CCDC171: variants seen among roughly 807,000 people sequenced by gnomAD.
The protein encoded by CCDC171 is coiled-coil domain containing 171.
In CCDC171, 177 loss-of-function variants were observed where a neutral mutation model predicts 168.2. That is an observed-to-expected ratio of 1.05 (90% CI 0.93 to 1.19). The LOEUF is 1.19. Among genes scored for constraint, CCDC171 ranks in the 50% most tolerant of loss-of-function variants. The pLI, the probability that CCDC171 is intolerant of heterozygous loss-of-function variation, is 0.00. For missense variants in CCDC171, 1,991 were observed against 1,539.0 expected (o/e 1.29, Z -4.91); for synonymous variants, 687 against 540.8 (o/e 1.27, Z -3.75).
At chr9:16,017,609 T>G (rs1833058571) in intron 3 of CCDC171, among the ~76,000 whole-genome samples, 1 of 152,192 alleles carries the variant, frequency 6.6e-6, no homozygotes, top group African/African-American at 2.4e-5. Context: ...ACTTAATTTG[T>G]TTTTCAACTT....
chr9:15,779,648 C>G (rs369708611), intron 20 of CCDC171, among the ~76,000 whole-genome samples: 2 of 152,214 alleles, frequency 1.3e-5, no homozygotes, highest in East Asian at 3.8e-4. Context: ...GTGTGAGCCA[C>G]TGCACCTGGC....
intron 25 of CCDC171, among the ~76,000 whole-genome samples, chr9:15,959,589 C>G (rs1174446113): frequency 1.3e-5 from 2 of 152,054 alleles, no homozygotes; most frequent in African/African-American, 2.4e-5. Flanking sequence ...AAATTATTAT[C>G]TAGTAGACAA....
In CCDC171 at chr9:16,044,532, A is replaced by ATTT. The variant is rs34154704; in HGVS notation, n.89+1659_89+1661dup. 6.2e-5 allele frequency among the ~76,000 whole-genome samples: 9 copies of ATTT among 145,586 alleles called. No homozygotes were observed. The South Asian group carries it at 1.7e-3, about 28-fold the overall frequency. On this transcript the variant is annotated intron_variant and non_coding_transcript_variant, in intron 1 of 1. Transcript: ENST00000478913. ...ATCAAATATAGCCAGCTATTTAATA[A>ATTT]TTTTTTTTTTTTTTTGGTTCTTTGA... is the stretch of plus-strand genomic sequence containing the variant.
chr9:15,994,818 C>G (rs1386331566), intron 3 of CCDC171, among the ~76,000 whole-genome samples: 1 of 152,148 alleles, frequency 6.6e-6, no homozygotes, highest in African/African-American at 2.4e-5. Context: ...ACTGGAGCCT[C>G]ATTATCTATT....
rs116930606 is a variant in CCDC171, at chr9:15,613,355, A to C, written c.676-9912A>C. Among the ~76,000 whole-genome samples, 995 of 152,314 alleles carry C rather than the reference A, an allele frequency of 6.5e-3. 34 individuals are homozygous for C. The highest frequency in any genetic ancestry group is 0.043 in the East Asian group (222 of 5,180). On this transcript the variant is annotated intron_variant, in intron 6 of 25. Transcript: ENST00000380701. ...CCAGTTTTAGCATAGGTTAATTGAT[A>C]TAAATGAGTTAAGTTCTTGGAGCAT...
intron 3 of CCDC171, among the ~76,000 whole-genome samples, chr9:15,998,653 A>G (rs1170138081): frequency 3.3e-5 from 5 of 152,210 alleles, no homozygotes; most frequent in African/African-American, 9.6e-5. Context: ...AAGCGGTAGT[A>G]ACTAGATCAG....
At chr9:15,662,178 G>A (rs1238340287) in intron 8 of CCDC171, among the ~76,000 whole-genome samples, 1 of 152,188 alleles carries the variant, frequency 6.6e-6, no homozygotes, top group Non-Finnish European at 1.5e-5. Context: ...TCTGGAGGCT[G>A]AGGCATGAGA....
intron 7 of CCDC171, among the ~76,000 whole-genome samples, chr9:15,652,215 T>C (rs944285110): frequency 6.6e-6 from 1 of 152,208 alleles, no homozygotes. Context: ...TTTTTTTATA[T>C]GATATGAGGT....
intron 24 of CCDC171, among the ~76,000 whole-genome samples, chr9:15,902,744 C>G (rs1821889793): frequency 6.6e-6 from 1 of 152,156 alleles, no homozygotes; most frequent in Non-Finnish European, 1.5e-5. Context: ...CATCACCTCA[C>G]CTGGGAAGCA....
rs572472850 is a variant in CCDC171 at position 15,641,528 on chromosome 9, G to A, written c.823-15599G>A. 1.4e-3 allele frequency among the ~76,000 whole-genome samples: 210 copies of A among 152,314 alleles called. 1 individual carries two copies. Among genetic ancestry groups the A allele is most frequent in the African/African-American group, 4.9e-3 (205 of 41,590 alleles). On this transcript the variant is annotated intron_variant, in intron 7 of 25. Coordinates refer to ENST00000380701, the MANE Select transcript of CCDC171 (RefSeq NM_173550.4). ...TGGAAACCATAGAACCAAATGTGAC[G>A]TGGAGAACATCTGGGTATGTTTGGT...
chr9:15,686,844 A>G (rs2050430383), intron 10 of CCDC171, among the ~76,000 whole-genome samples: 4 of 152,248 alleles, frequency 2.6e-5, no homozygotes, highest in Admixed American at 2.6e-4. Context: ...AGTAATGGGT[A>G]GAACAATGAG....
intron 1 of CCDC171, among the ~76,000 whole-genome samples, chr9:15,562,572 T>G (rs181698574): frequency 2.6e-5 from 4 of 152,276 alleles, no homozygotes; most frequent in Admixed American, 1.3e-4. Flanking sequence ...ATTAAAAGTT[T>G]CGTAACCTCT....
intron 18 of CCDC171, among the ~76,000 whole-genome samples, chr9:15,752,279 A>G (rs533637214): frequency 1.8e-4 from 28 of 152,348 alleles, no homozygotes; most frequent in African/African-American, 5.5e-4. Flanking sequence ...GATGTGGAGA[A>G]ATAGGTACGC....
chr9:15,948,862 A>G (rs1020752770), intron 25 of CCDC171, among the ~76,000 whole-genome samples: 1 of 151,654 alleles, frequency 6.6e-6, no homozygotes, highest in Non-Finnish European at 1.5e-5. Flanking sequence ...TTTGGTTGCC[A>G]TTGCTTTTGG....
rs746249684 is a variant in CCDC171, at chr9:15,727,836, C to A, written c.1693-33C>A. On this transcript the variant is annotated intron_variant, in intron 14 of 25. Coordinates refer to ENST00000380701, the MANE Select transcript of CCDC171 (RefSeq NM_173550.4). Reference sequence around the variant, plus strand: ...TTTTACTTCTTACAATGTTTATATACAGCAATTAATTTTTCTTTTTTTTTT... The same window carrying A: ...TTTTACTTCTTACAATGTTTATATAAAGCAATTAATTTTTCTTTTTTTTTT... 11 of 1,562,050 alleles carry A rather than the reference C, an allele frequency of 7.0e-6. No homozygotes were observed. In the East Asian group the frequency reaches 2.3e-4, roughly 32 times the overall value.
At chr9:15,709,959 A>G (rs2052536191) in intron 11 of CCDC171, among the ~76,000 whole-genome samples, 1 of 152,116 alleles carries the variant, frequency 6.6e-6, no homozygotes, top group Non-Finnish European at 1.5e-5. Flanking sequence ...TGTTTCATCT[A>G]CTTCCCCTCT....
intron 25 of CCDC171, among the ~76,000 whole-genome samples, chr9:15,923,658 A>G (rs1177184646): frequency 2.6e-5 from 4 of 151,626 alleles, no homozygotes; most frequent in Non-Finnish European, 5.9e-5. Flanking sequence ...TTCCTACCAT[A>G]AAAACGATAC....
At chr9:15,683,669 A>G (rs2050190633) in intron 10 of CCDC171, among the ~76,000 whole-genome samples, 2 of 152,086 alleles carry the variant, frequency 1.3e-5, no homozygotes, top group African/African-American at 2.4e-5. Context: ...AATTTATGGT[A>G]TAGGCATAAA....
intron 3 of CCDC171, among the ~76,000 whole-genome samples, chr9:16,018,509 T>G (rs1833086484): frequency 6.6e-6 from 1 of 152,252 alleles, no homozygotes; most frequent in Non-Finnish European, 1.5e-5. Flanking sequence ...CCTTATTCAT[T>G]TATTAACTTC....
Sources: allele counts gnomAD v4.1 joint callset (sites outside exome capture counted in the v4.1 genomes callset), GRCh38; gene constraint gnomAD v4.1.1; transcripts MANE v1.5; gene names NCBI Gene and HGNC (gene_info 2026-07-23, HGNC 2026-07-21).